The following SMIM28 variants were observed in gnomAD, a reference collection of about 807,000 sequenced individuals.
The protein encoded by SMIM28 is small integral membrane protein 28.
intron 1 of SMIM28, among the ~76,000 whole-genome samples, chr6:138,381,877 C>A (rs1774316545): frequency 6.6e-6 from 1 of 152,188 alleles, no homozygotes; most frequent in Non-Finnish European, 1.5e-5. Flanking sequence ...AGCGGACCTA[C>A]TAACTAAAAT....
chr6:138,380,113 C>A (rs1361507496), intron 1 of SMIM28, among the ~76,000 whole-genome samples: 1 of 152,160 alleles, frequency 6.6e-6, no homozygotes, highest in Non-Finnish European at 1.5e-5. Context: ...AAGTGCTTTA[C>A]ACACTTTAAT....
rs1407586935 is a variant in SMIM28 at position 138,383,091 on chromosome 6, T to A, written c.*244T>A. On this transcript the variant is annotated 3_prime_UTR_variant, in exon 2 of 2. Transcript: ENST00000573100. ...TAGGGGAAAGTTTCCCAGGTTCTTC[T>A]AAAGATGACTGCACTCTCCTAAAAT... is the stretch of plus-strand genomic sequence containing the variant. 4 of 321,344 alleles carry A rather than the reference T, an allele frequency of 1.2e-5. No homozygotes were observed. The highest frequency in any genetic ancestry group is 2.2e-5 in the Non-Finnish European group (4 of 178,536). 19.9% of individuals were successfully genotyped at this position (321,344 alleles called of 1,614,324 possible).
rs1774273861 is a variant in SMIM28 at position 138,378,015 on chromosome 6, T to C, written c.-58T>C. ...GGATCCAGGCCAAGAGCAAGCAGCA[T>C]TGTTGAAATCTGGGCAGCAAGGTGG... On this transcript the variant is annotated 5_prime_UTR_variant, in exon 1 of 2. Coordinates refer to ENST00000573100, the MANE Select transcript of SMIM28 (RefSeq NM_001368163.3). 2.5e-6 allele frequency: 1 copy of C among 398,366 alleles called. No individual in the cohort carries two copies. Among genetic ancestry groups the C allele is most frequent in the Non-Finnish European group, 4.4e-6 (1 of 226,018 alleles). The allele number at this position is 398,366 out of a possible 1,614,324, so 24.7% of individuals were successfully genotyped here.
chr6:138,379,367 G>A (rs1255077880), intron 1 of SMIM28, among the ~76,000 whole-genome samples: 4 of 152,140 alleles, frequency 2.6e-5, no homozygotes, highest in Non-Finnish European at 4.4e-5. Context: ...AACTAGTATT[G>A]AGAATACCTT....
chr6:138,378,801 G>A (rs991972901), intron 1 of SMIM28, among the ~76,000 whole-genome samples: 17 of 152,006 alleles, frequency 1.1e-4, no homozygotes, highest in African/African-American at 3.9e-4. Context: ...TGACACCGCC[G>A]ACAACACAAG....
intron 1 of SMIM28, 82 bp from the exon 2 acceptor site, chr6:138,382,418 G>C: frequency 3.2e-6 from 1 of 311,534 alleles, no homozygotes; most frequent in Non-Finnish European, 5.5e-6. Flanking sequence ...AAAAAAAAAA[G>C]AAAGAAAGAA....
chr6:138,382,407 A>G, intron 1 of SMIM28, 93 bp from the exon 2 acceptor site: 1 of 333,332 alleles, frequency 3.0e-6, no homozygotes, highest in Non-Finnish European at 5.3e-6. Flanking sequence ...AAAAAAAAAA[A>G]AAAAAAAAAA....
At chr6:138,380,277 A>G (rs1341678877) in intron 1 of SMIM28, among the ~76,000 whole-genome samples, 1 of 152,192 alleles carries the variant, frequency 6.6e-6, no homozygotes, top group Non-Finnish European at 1.5e-5. Context: ...TCAACCCCCA[A>G]AGATGATGCT....
chr6:138,379,473 T>C (rs547347476), intron 1 of SMIM28, among the ~76,000 whole-genome samples: 2 of 152,316 alleles, frequency 1.3e-5, no homozygotes, highest in African/African-American at 4.8e-5. Flanking sequence ...CTTTCTATGA[T>C]ATAATAGAGA....
At position 138,382,755 on chromosome 6, in the gene SMIM28, A is replaced by G; in HGVS notation, c.367A>G (p.Thr123Ala). The G allele has an allele frequency of 2.5e-6, 1 of 397,990 alleles. No homozygotes were observed. The highest frequency in any genetic ancestry group is 4.4e-6 in the Non-Finnish European group (1 of 225,962). The allele number at this position is 397,990 out of a possible 1,614,324, so 24.7% of individuals were successfully genotyped here. ...CTACTCCCCACTGCCCCCGGAGGCC[A>G]CTCTCCCCTCCCAGTGTTTACCGCC... ...FPYSPLPPEATLPSQCLPPSY... is the reference protein window; with the variant it reads ...FPYSPLPPEAALPSQCLPPSY... Residue 123 changes from threonine (T) to alanine (A), a missense_variant, in exon 2 of 2, where the codon ACT becomes GCT. By Grantham distance (58) the Thr-to-Ala change is moderately conservative. Coordinates refer to ENST00000573100, the MANE Select transcript of SMIM28 (RefSeq NM_001368163.3).
chr6:138,378,167 TG>T lies in SMIM28; in HGVS notation c.97del (p.Glu33ArgfsTer10), dbSNP rs1774275808. ...WLTSEPGLPLLETQLQGTQGV... is the reference protein window; with the variant it reads ...WLTSEPGLPLXETQLQGTQGV... ...ACCAGCGAGCCCGGCCTGCCTCTCC[TG>T]GAGACCCAGCTGCAGGTCTGTACTT... On this transcript the variant is annotated frameshift_variant, in exon 1 of 2. Transcript: ENST00000573100. LOFTEE classifies it low-confidence loss of function (END_TRUNC). 4 of 398,700 alleles carry T rather than the reference TG, an allele frequency of 1.0e-5. No individual in the cohort carries two copies. In the South Asian group the frequency reaches 5.1e-4, roughly 51 times the overall value. 24.7% of individuals were successfully genotyped at this position (398,700 alleles called of 1,614,324 possible). A position where few individuals can be genotyped will look rare whatever the true frequency, so the allele number is the denominator to read the frequency against.
At position 138,382,651 on chromosome 6, in the gene SMIM28, T is replaced by C. The variant is rs1583091993; in HGVS notation, c.263T>C (p.Ile88Thr). Reference sequence around the variant, plus strand: ...CCGCCCCAGGGGCAGGTGTTCAGCATTGACCTACCAGAGCACCCACCTGCA... The same window carrying C: ...CCGCCCCAGGGGCAGGTGTTCAGCACTGACCTACCAGAGCACCCACCTGCA... ...SPPPQGQVFS[I>T]DLPEHPPAGE... The change falls in exon 2 of 2, where the codon ATT becomes ACT. Residue 88 changes from isoleucine (I) to threonine (T), a missense_variant. Physicochemically the swap from Ile to Thr is moderately conservative, Grantham distance 89. Coordinates refer to ENST00000573100, the MANE Select transcript of SMIM28 (RefSeq NM_001368163.3). 7.5e-6 allele frequency: 3 copies of C among 398,740 alleles called. No individual in the cohort carries two copies. The East Asian group carries it at 1.1e-4, about 14-fold the overall frequency. 24.7% of individuals were successfully genotyped at this position (398,740 alleles called of 1,614,324 possible).
At position 138,378,956 on chromosome 6, in the gene SMIM28, C is replaced by G. The variant is rs562667194; in HGVS notation, c.111+773C>G. ...ATTGAGAAATCCTTTAGCAGTTACA[C>G]CTGTAATTGGACATTTCTTTAAAAC... On this transcript the variant is annotated intron_variant, in intron 1 of 1. Coordinates refer to ENST00000573100, the MANE Select transcript of SMIM28 (RefSeq NM_001368163.3). Among the ~76,000 whole-genome samples the G allele has an allele frequency of 2.0e-5, 3 of 150,520 alleles. No individual in the cohort carries two copies. The South Asian group carries it at 6.2e-4, about 31-fold the overall frequency.
chr6:138,382,660 C>A lies in SMIM28; in HGVS notation c.272C>A (p.Pro91Gln). Reference sequence around the variant, plus strand: ...GGGCAGGTGTTCAGCATTGACCTACCAGAGCACCCACCTGCAGGAGAGGTG... The same window carrying A: ...GGGCAGGTGTTCAGCATTGACCTACAAGAGCACCCACCTGCAGGAGAGGTG... ...PQGQVFSIDL[P>Q]EHPPAGEVTD... Residue 91 changes from proline to glutamine, a missense_variant, in exon 2 of 2, where the codon CCA (proline) becomes CAA (glutamine). Physicochemically the swap from Pro to Gln is moderately conservative, Grantham distance 76 (BLOSUM62 -1). Coordinates refer to ENST00000573100, the MANE Select transcript of SMIM28 (RefSeq NM_001368163.3). 1 of 398,674 alleles carries A rather than the reference C, an allele frequency of 2.5e-6. No homozygotes were observed. Among genetic ancestry groups the A allele is most frequent in the Non-Finnish European group, 4.4e-6 (1 of 226,212 alleles). 24.7% of individuals were successfully genotyped at this position (398,674 alleles called of 1,614,324 possible). A position where few individuals can be genotyped will look rare whatever the true frequency, so the allele number is the denominator to read the frequency against.
chr6:138,380,489 G>C (rs73570912), intron 1 of SMIM28, among the ~76,000 whole-genome samples: 24,333 of 152,104 alleles, frequency 0.16, 3,490 homozygotes, highest in African/African-American at 0.39. Context: ...TGGCTAGGGC[G>C]GGGCGCAGTG....
At chr6:138,380,619 T>C (rs1357658836) in intron 1 of SMIM28, among the ~76,000 whole-genome samples, 1 of 151,798 alleles carries the variant, frequency 6.6e-6, no homozygotes, top group Non-Finnish European at 1.5e-5. Context: ...TACAAAAAAT[T>C]AGCCGGGTGT....
At chr6:138,378,824 C>A (rs185009958) in intron 1 of SMIM28, among the ~76,000 whole-genome samples, 2 of 152,192 alleles carry the variant, frequency 1.3e-5, no homozygotes, top group East Asian at 3.9e-4. Context: ...AGAAGGAAAT[C>A]AAACTATTTT....
intron 1 of SMIM28, among the ~76,000 whole-genome samples, chr6:138,379,951 GTATT>G (rs1006088836): frequency 6.6e-6 from 1 of 152,022 alleles, no homozygotes; most frequent in Non-Finnish European, 1.5e-5. Context: ...CTGAAAATAT[GTATT>G]TATTAAAATA....
chr6:138,381,430 G>T (rs761758138), intron 1 of SMIM28, among the ~76,000 whole-genome samples: 1 of 151,426 alleles, frequency 6.6e-6, no homozygotes, highest in Non-Finnish European at 1.5e-5. Flanking sequence ...TTTTTTTAAC[G>T]TTGCTTTTCT....
Sources: allele counts gnomAD v4.1 joint callset (sites outside exome capture counted in the v4.1 genomes callset), GRCh38; gene constraint gnomAD v4.1.1; transcripts MANE v1.5; gene names NCBI Gene and HGNC (gene_info 2026-07-23, HGNC 2026-07-21).